EHBP1: variants seen among roughly 807,000 people sequenced by gnomAD.
The protein encoded by EHBP1 is EH domain-binding protein 1.
Under a neutral mutation model 144.0 loss-of-function variants are expected in EHBP1, and 55 were observed. The ratio of observed to expected loss-of-function variants is 0.38; its 90% CI spans 0.31 to 0.48. EHBP1 has a LOEUF of 0.48. EHBP1 is among the 20% of genes least tolerant of loss of function. The pLI, the probability that EHBP1 is intolerant of heterozygous loss-of-function variation, is 0.98. For missense variants in EHBP1, 1,200 were observed against 1,364.2 expected, an observed-to-expected ratio of 0.88 and a Z score of 1.90; for synonymous variants, 469 against 472.7, an observed-to-expected ratio of 0.99 and a Z score of 0.10.
At chr2:62,849,495 G>T (rs2048530541) in intron 7 of EHBP1, among the ~76,000 whole-genome samples, 1 of 151,936 alleles carries the variant, frequency 6.6e-6, no homozygotes, top group African/African-American at 2.4e-5. Context: ...ATAATAATTT[G>T]TTGTTTTAAG....
intron 10 of EHBP1, among the ~76,000 whole-genome samples, chr2:62,918,482 A>G (rs1016128184): frequency 1.3e-5 from 2 of 152,156 alleles, no homozygotes; most frequent in African/African-American, 4.8e-5. Context: ...AGACTACTCA[A>G]GGCCCCAAAA....
intron 5 of EHBP1, among the ~76,000 whole-genome samples, chr2:62,772,740 G>A (rs1426099354): frequency 2.0e-5 from 3 of 152,158 alleles, no homozygotes; most frequent in Admixed American, 2.0e-4. Flanking sequence ...ACTGTTCATC[G>A]TGATAATTGT....
chr2:62,896,111 TA>T (rs2052904221), intron 10 of EHBP1, among the ~76,000 whole-genome samples: 1 of 152,050 alleles, frequency 6.6e-6, no homozygotes, highest in Non-Finnish European at 1.5e-5. Flanking sequence ...ATAATATACA[TA>T]AAAATCATGG....
intron 2 of EHBP1, among the ~76,000 whole-genome samples, chr2:62,729,389 T>TA (rs2037188371): frequency 8.4e-6 from 1 of 118,676 alleles, no homozygotes; most frequent in Non-Finnish European, 1.6e-5. Context: ...AAATATCATA[T>TA]TTATTATATA....
intron 21 of EHBP1, among the ~76,000 whole-genome samples, chr2:63,043,130 C>G (rs1299972556): frequency 6.6e-6 from 1 of 152,004 alleles, no homozygotes; most frequent in Non-Finnish European, 1.5e-5. Context: ...ACTAGATGAC[C>G]TTTAAGATCT....
intron 7 of EHBP1, among the ~76,000 whole-genome samples, chr2:62,831,845 G>A (rs1343458899): frequency 6.6e-6 from 1 of 152,086 alleles, no homozygotes; most frequent in Non-Finnish European, 1.5e-5. Context: ...TCTATCATCT[G>A]TTTACCTCCT....
intron 21 of EHBP1, among the ~76,000 whole-genome samples, chr2:63,042,381 G>A (rs938268690): frequency 7.9e-5 from 12 of 152,064 alleles, no homozygotes; most frequent in Non-Finnish European, 1.5e-4. Context: ...AAACAAACGT[G>A]AAGTAAAAGT....
chr2:62,810,379 T>C (rs2044889511), intron 5 of EHBP1, among the ~76,000 whole-genome samples: 2 of 152,168 alleles, frequency 1.3e-5, no homozygotes, highest in African/African-American at 2.4e-5. Context: ...GAGGCTTGCT[T>C]GAATTTAGGG....
Position 62,864,919 on chromosome 2 carries a change from A to G in EHBP1, c.946A>G (p.Ser316Gly). ...KRKNIRPVDM[S>G]KYLYADSSKT... is the part of the protein sequence containing the mutation. ...AAAAAATATAAGACCTGTGGATATGAGCAAGTACCTCTATGCTGATAGTTC... is the reference window on the plus strand; with the variant it reads ...AAAAAATATAAGACCTGTGGATATGGGCAAGTACCTCTATGCTGATAGTTC... Residue 316 changes from serine to glycine, a missense_variant, in exon 9 of 23, where the codon AGC becomes GGC. This residue lies in a region of EHBP1 where 266 missense variants were observed against 262.4 expected (regional missense o/e 1.01). Transcript: ENST00000431489. 1.2e-6 allele frequency: 2 copies of G among 1,614,042 alleles called. No homozygotes were observed. Among genetic ancestry groups the G allele is most frequent in the East Asian group, 2.2e-5 (1 of 44,850 alleles).
At chr2:62,722,044 A>T (rs911177211) in intron 2 of EHBP1, among the ~76,000 whole-genome samples, 1 of 152,158 alleles carries the variant, frequency 6.6e-6, no homozygotes, top group Admixed American at 6.6e-5. Flanking sequence ...TTTTGTATGT[A>T]ATTTTTTTCT....
intron 1 of EHBP1, among the ~76,000 whole-genome samples, chr2:62,694,081 T>C (rs2033999466): frequency 6.6e-6 from 1 of 152,230 alleles, no homozygotes; most frequent in Admixed American, 6.5e-5. Flanking sequence ...TAATGATACA[T>C]TTTGTGGTAA....
At chr2:62,675,216 T>C (rs1276047997) in intron 1 of EHBP1, among the ~76,000 whole-genome samples, 1 of 152,170 alleles carries the variant, frequency 6.6e-6, no homozygotes, top group African/African-American at 2.4e-5. Flanking sequence ...CAGAGTAGCC[T>C]GTAGGGTAGT....
intron 15 of EHBP1, among the ~76,000 whole-genome samples, chr2:62,988,827 T>C (rs1266559235): frequency 1.3e-5 from 2 of 152,156 alleles, no homozygotes; most frequent in African/African-American, 4.8e-5. Flanking sequence ...GTCTCTAATA[T>C]TTATCTTTTC....
chr2:62,825,513 T>C (rs2152604254), intron 5 of EHBP1, among the ~76,000 whole-genome samples: 1 of 151,736 alleles, frequency 6.6e-6, no homozygotes, highest in South Asian at 2.1e-4. Context: ...TATGTGCTTT[T>C]ATGGGAGAGA....
At chr2:62,752,749 C>T (rs2039875865) in intron 3 of EHBP1, among the ~76,000 whole-genome samples, 1 of 152,008 alleles carries the variant, frequency 6.6e-6, no homozygotes, top group South Asian at 2.1e-4. Flanking sequence ...TTCTTTGTCT[C>T]TTTTGGTCTT....
chr2:62,929,536 A>C (rs1250688011), intron 10 of EHBP1, among the ~76,000 whole-genome samples: 1 of 152,048 alleles, frequency 6.6e-6, no homozygotes. Flanking sequence ...TTCATGATTA[A>C]AAAAAAATTA....
intron 10 of EHBP1, among the ~76,000 whole-genome samples, chr2:62,901,662 A>T (rs1022790938): frequency 6.2e-5 from 7 of 113,364 alleles, no homozygotes; most frequent in Admixed American, 3.1e-4. Context: ...CACTTAGTTT[A>T]AAAAAAAAAA....
intron 10 of EHBP1, among the ~76,000 whole-genome samples, chr2:62,928,173 G>A (rs1228025577): frequency 1.3e-5 from 2 of 152,196 alleles, no homozygotes; most frequent in African/African-American, 4.8e-5. Context: ...GGTTGCTGGG[G>A]TAGTGTAGAG....
At chr2:62,711,861 T>C (rs1321411833) in intron 2 of EHBP1, among the ~76,000 whole-genome samples, 2 of 152,150 alleles carry the variant, frequency 1.3e-5, no homozygotes. Context: ...AAAGAACTAA[T>C]GATTTTGAGG....
Sources: gnomAD v4.1 joint callset for allele counts (sites outside exome capture counted in the v4.1 genomes callset) on GRCh38, gnomAD v4.1.1 for gene constraint, gnomAD v4.1.1 regional missense constraint, MANE v1.5 for transcripts, NCBI Gene and HGNC (gene_info 2026-07-23, HGNC 2026-07-21) for gene names.